The following ZNF836 variants were observed in gnomAD, a reference collection of about 807,000 sequenced individuals.
ZNF836 encodes zinc finger protein 836.
Under a neutral mutation model 7.4 loss-of-function variants are expected in ZNF836, and 12 were observed. That is an observed-to-expected ratio of 1.61 (90% CI 1.03 to 2.61). The LOEUF (loss-of-function observed/expected upper bound fraction) is 2.61, where lower values mean the gene tolerates loss of function less well. ZNF836 is among the 30% of genes most tolerant of loss of function. ZNF836 has a pLI of 0.00. For missense variants in ZNF836, 998 were observed against 1,126.2 expected (o/e 0.89, Z 1.63); for synonymous variants, 365 against 382.6 (o/e 0.95, Z 0.54).
intron 1 of ZNF836, among the ~76,000 whole-genome samples, chr19:52,170,537 C>G (rs1027676331): frequency 6.6e-6 from 1 of 152,062 alleles, no homozygotes; most frequent in African/African-American, 2.4e-5. Context: ...TCCCCACTGT[C>G]TGTCTGCAGT....
intron 3 of ZNF836, among the ~76,000 whole-genome samples, chr19:52,166,839 A>G (rs1300369695): frequency 6.6e-6 from 1 of 151,472 alleles, no homozygotes; most frequent in Non-Finnish European, 1.5e-5. Context: ...TCGGCCTCCC[A>G]AAGTGCTGGG....
intron 3 of ZNF836, among the ~76,000 whole-genome samples, chr19:52,164,119 A>T (rs913091268): frequency 6.6e-6 from 1 of 151,652 alleles, no homozygotes; most frequent in Non-Finnish European, 1.5e-5. Flanking sequence ...GGCCGGGTGC[A>T]GTGGCTCACG....
rs1377770817 is a variant in ZNF836 at position 52,161,825 on chromosome 19, G to A, written c.16-1234C>T. On this transcript the variant is annotated intron_variant, in intron 3 of 4. Transcript: ENST00000682614. This position sits in a 1 kb window ranked among gnomAD's most constrained non-coding sequence, Gnocchi z 4.1. ...TAACTATAATCTAAATCAGATATGG[G>A]TGAGACTCAAACATGCATTTCATCC... 6.6e-6 allele frequency among the ~76,000 whole-genome samples: 1 copy of A among 152,152 alleles called. No homozygotes were observed.
Position 52,154,943 on chromosome 19 carries a change from C to T in ZNF836, c.2740G>A (p.Ala914Thr). The stretch of plus-strand genomic sequence containing the variant: ...TTGAATTTTGTTTTAAGACTCTCTG[C>T]AGTATGTTTTGTCTGATGTTTAGTG... ...GLTKHQTKHTAESLKTKFNVE... is the reference protein window; with the variant it reads ...GLTKHQTKHTTESLKTKFNVE... Residue 914 changes from alanine (A) to threonine (T), a missense_variant, in exon 5 of 5, where the codon GCA (alanine) becomes ACA (threonine). Physicochemically the swap from Ala to Thr is moderately conservative, Grantham distance 58 (BLOSUM62 0). Coordinates refer to ENST00000682614, the MANE Select transcript of ZNF836 (RefSeq NM_001102657.3). 1 of 1,577,956 alleles carries T rather than the reference C, an allele frequency of 6.3e-7. No individual in the cohort carries two copies. The highest frequency in any genetic ancestry group is 1.2e-5 in the South Asian group (1 of 84,988).
In ZNF836 at chr19:52,155,803, T is replaced by C; in HGVS notation, c.1880A>G (p.Asn627Ser). 2.5e-6 allele frequency: 4 copies of C among 1,613,912 alleles called. No individual in the cohort carries two copies. The highest frequency in any genetic ancestry group is 3.4e-6 in the Non-Finnish European group (4 of 1,179,872). ...CTCTCCAGTATGAATTCTCTTATGA[T>C]TTGAAAGGTTTCCACTGTCATTGAA... The part of the protein sequence containing the change: ...KVFNDSGNLS[N>S]HKRIHTGEKP... Residue 627 changes from asparagine (N) to serine (S), a missense_variant, in exon 5 of 5, where the codon AAT (asparagine) becomes AGT (serine). Coordinates refer to ENST00000682614, the MANE Select transcript of ZNF836 (RefSeq NM_001102657.3).
intron 3 of ZNF836, 114 bp from the exon 4 acceptor site, chr19:52,160,705 T>A: frequency 7.5e-7 from 1 of 1,324,590 alleles, no homozygotes; most frequent in Admixed American, 2.6e-5. Flanking sequence ...CACATATCCA[T>A]GCAAGGCATC....
chr19:52,166,094 G>A (rs768340302), intron 3 of ZNF836, among the ~76,000 whole-genome samples: 1 of 151,776 alleles, frequency 6.6e-6, no homozygotes, highest in African/African-American at 2.4e-5. Flanking sequence ...TGGGTTCAAG[G>A]GATTCTCCTA....
rs1568569827 is a variant in ZNF836 at position 52,156,642 on chromosome 19, T to A, written c.1041A>T (p.Thr347=). The A allele has an allele frequency of 6.2e-7, 1 of 1,613,490 alleles. No homozygotes were observed. Among genetic ancestry groups the A allele is most frequent in the Admixed American group, 1.7e-5 (1 of 59,980 alleles). ...TCTCTCCTGTATGGATTATCTGATG[T>A]GTAGTGAGGCATGAGCCTTGTTTGA... ...KTFKQGSCLT[T]HQIIHTGEKP... The change falls in exon 5 of 5, where the codon ACA becomes ACT. Residue 347 remains threonine, a synonymous_variant. Transcript: ENST00000682614.
rs368144666 is a variant in ZNF836 at position 52,155,811 on chromosome 19, G to A, written c.1872C>T (p.Asn624=). 2 of 1,613,888 alleles carry A rather than the reference G, an allele frequency of 1.2e-6. No individual in the cohort carries two copies. The highest frequency in any genetic ancestry group is 1.6e-4 in the Middle Eastern group (1 of 6,062). Residue 624 remains asparagine, a synonymous_variant, in exon 5 of 5, where the codon AAC becomes AAT. Coordinates refer to ENST00000682614, the MANE Select transcript of ZNF836 (RefSeq NM_001102657.3). ...TATGAATTCTCTTATGATTTGAAAG[G>A]TTTCCACTGTCATTGAAGACCTTGC... ...VCGKVFNDSG[N]LSNHKRIHTG...
intron 4 of ZNF836, among the ~76,000 whole-genome samples, chr19:52,159,721 G>A (rs1247261254): frequency 6.6e-6 from 1 of 152,140 alleles, no homozygotes; most frequent in African/African-American, 2.4e-5. Flanking sequence ...AAGTAACTGG[G>A]TAGTCCATCT....
rs544811799 is a variant in ZNF836, at chr19:52,161,984, T to C, written c.16-1393A>G. On this transcript the variant is annotated intron_variant, in intron 3 of 4. Transcript: ENST00000682614. This position sits in a 1 kb window ranked among gnomAD's most constrained non-coding sequence, Gnocchi z 4.1. ...AGAAACAGGAAAGAAGGGGTAGCTG[T>C]TCCCATGTAAGGCTGAAACCCAACA... Among the ~76,000 whole-genome samples, 5 of 152,314 alleles carry C rather than the reference T, an allele frequency of 3.3e-5. No homozygotes were observed. In the East Asian group the frequency reaches 9.6e-4, roughly 29 times the overall value.
Position 52,157,118 on chromosome 19 carries a change from T to C in ZNF836, c.565A>G (p.Thr189Ala), listed in dbSNP as rs752987183. 52 of 1,613,674 alleles carry C rather than the reference T, an allele frequency of 3.2e-5. No individual in the cohort carries two copies. Among genetic ancestry groups the C allele is most frequent in the Non-Finnish European group, 1.8e-5 (21 of 1,179,802 alleles). The part of the protein sequence containing the change: ...PLQRILPSVQ[T>A]NISKKYENEF... Reference sequence around the variant, plus strand: ...TTCTCATATTTTTTAGAAATGTTGGTTTGGACACTAGGAAGAATTCTTTGA... The same window carrying C: ...TTCTCATATTTTTTAGAAATGTTGGCTTGGACACTAGGAAGAATTCTTTGA... The change falls in exon 5 of 5, where the codon ACC becomes GCC. Residue 189 changes from threonine (T) to alanine (A), a missense_variant. Thr to Ala is a moderately conservative substitution (Grantham distance 58). Coordinates refer to ENST00000682614, the MANE Select transcript of ZNF836 (RefSeq NM_001102657.3).
At chr19:52,164,501 GA>G (rs1345679580) in intron 3 of ZNF836, among the ~76,000 whole-genome samples, 12 of 22,062 alleles carry the variant, frequency 5.4e-4, no homozygotes, top group African/African-American at 3.4e-3. Flanking sequence ...GAAAAAGAGA[GA>G]AAGAAAGAAA....
intron 4 of ZNF836, 50 bp from the exon 5 acceptor site, chr19:52,157,590 A>G: frequency 1.5e-6 from 2 of 1,377,292 alleles, no homozygotes. Flanking sequence ...TTTTTTTTTG[A>G]GACAGAGTCT....
chr19:52,171,027 T>G (rs2122237366), intron 1 of ZNF836: 1 of 152,106 alleles, frequency 6.6e-6, no homozygotes, highest in South Asian at 2.1e-4. Context: ...GGGTACGGTG[T>G]CTCAGGACAG....
intron 3 of ZNF836, among the ~76,000 whole-genome samples, chr19:52,163,260 A>AC (rs2089229869): frequency 6.6e-6 from 1 of 152,088 alleles, no homozygotes; most frequent in Non-Finnish European, 1.5e-5. Flanking sequence ...ACTTGGCTAC[A>AC]CCCCTCTTGG....
In ZNF836 at chr19:52,164,596, T is replaced by C. The variant is rs374225727; in HGVS notation, c.15+3462A>G. Reference sequence around the variant, plus strand: ...TGACTTAATCAGACAGAAGAAGGAATCAGTGAACTCAAAGGGGATTTTGAC... The same window carrying C: ...TGACTTAATCAGACAGAAGAAGGAACCAGTGAACTCAAAGGGGATTTTGAC... On this transcript the variant is annotated intron_variant, in intron 3 of 4. Transcript: ENST00000682614. Among the ~76,000 whole-genome samples the C allele has an allele frequency of 1.4e-4, 21 of 151,890 alleles. No individual in the cohort carries two copies. The East Asian group carries it at 3.3e-3, about 24-fold the overall frequency.
At chr19:52,159,977 G>C (rs2089198679) in intron 4 of ZNF836, among the ~76,000 whole-genome samples, 1 of 152,078 alleles carries the variant, frequency 6.6e-6, no homozygotes. Context: ...GAGCTCAGGA[G>C]TTTGAGACCA....
chr19:52,168,023 G>A, intron 3 of ZNF836, 35 bp downstream of exon 3: 1 of 1,496,050 alleles, frequency 6.7e-7, no homozygotes, highest in East Asian at 2.3e-5. Flanking sequence ...CAAAAAGGAA[G>A]GAGACAGAAT....
Sources: allele counts gnomAD v4.1 joint callset (sites outside exome capture counted in the v4.1 genomes callset), GRCh38; gene constraint gnomAD v4.1.1; non-coding constraint Gnocchi (gnomAD v3.1); transcripts MANE v1.5; gene names NCBI Gene and HGNC (gene_info 2026-07-23, HGNC 2026-07-21).